The following STX8 variants were observed in gnomAD, a reference collection of about 807,000 sequenced individuals.
The protein encoded by STX8 is syntaxin-8.
A neutral mutation model predicts 37.5 loss-of-function variants in STX8; 23 were observed. The observed-to-expected ratio is 0.61, with a 90% CI of 0.44 to 0.87. STX8 has a LOEUF of 0.87. Among genes scored for constraint, STX8 ranks in the 40% least tolerant of loss-of-function variants. The pLI, the probability that STX8 is intolerant of heterozygous loss-of-function variation, is 0.00. For synonymous variants in STX8, 115 were observed against 99.1 expected, an observed-to-expected ratio of 1.16 and a Z score of -0.95; for missense variants, 313 against 284.7, an observed-to-expected ratio of 1.10 and a Z score of -0.71.
intron 7 of STX8, among the ~76,000 whole-genome samples, chr17:9,271,709 C>T (rs1159310648): frequency 6.8e-6 from 1 of 146,150 alleles, no homozygotes; most frequent in Non-Finnish European, 1.5e-5. Flanking sequence ...AAGATTGTGC[C>T]ACTGCACTCC....
intron 7 of STX8, among the ~76,000 whole-genome samples, chr17:9,260,950 G>A (rs1907001299): frequency 6.6e-6 from 1 of 152,248 alleles, no homozygotes; most frequent in Non-Finnish European, 1.5e-5. Flanking sequence ...ACGGTGTGAA[G>A]AGAGACATCT....
At chr17:9,514,774 C>A (rs1329128541) in intron 4 of STX8, among the ~76,000 whole-genome samples, 1 of 152,172 alleles carries the variant, frequency 6.6e-6, no homozygotes, top group African/African-American at 2.4e-5. Context: ...GCCTTGTTCA[C>A]ATCTCCCATA....
intron 2 of STX8, among the ~76,000 whole-genome samples, chr17:9,564,382 G>T (rs1400519650): frequency 6.6e-6 from 1 of 151,630 alleles, no homozygotes; most frequent in African/African-American, 2.4e-5. Context: ...GGAAGGAAAA[G>T]AAAAGGCATC....
intron 7 of STX8, among the ~76,000 whole-genome samples, chr17:9,257,522 T>C (rs1342863568): frequency 7.5e-6 from 1 of 133,630 alleles, no homozygotes; most frequent in Non-Finnish European, 1.7e-5. Context: ...TGTGGATCTC[T>C]GTGTTGGCCA....
At chr17:9,319,578 C>T (rs1909503748) in intron 7 of STX8, among the ~76,000 whole-genome samples, 1 of 152,158 alleles carries the variant, frequency 6.6e-6, no homozygotes, top group African/African-American at 2.4e-5. Context: ...CCCATCCAGA[C>T]TGGAACAAGA....
At chr17:9,401,469 T>G (rs970024409) in intron 6 of STX8, among the ~76,000 whole-genome samples, 2 of 152,160 alleles carry the variant, frequency 1.3e-5, no homozygotes, top group Non-Finnish European at 2.9e-5. Flanking sequence ...CAGGGAGCTG[T>G]TAGAATATTT....
intron 6 of STX8, among the ~76,000 whole-genome samples, chr17:9,440,091 A>C (rs866098792): frequency 6.6e-6 from 1 of 152,168 alleles, no homozygotes; most frequent in Non-Finnish European, 1.5e-5. Context: ...GAACCATGGA[A>C]AATACCACTG....
chr17:9,390,522 CAAAA>C (rs1161307121), intron 6 of STX8, among the ~76,000 whole-genome samples: 3 of 115,478 alleles, frequency 2.6e-5, no homozygotes, highest in African/African-American at 6.6e-5. Context: ...AACTCCGTCT[CAAAA>C]AAAAAAAAAG....
chr17:9,287,552 G>A (rs1908122993), intron 7 of STX8, among the ~76,000 whole-genome samples: 1 of 152,190 alleles, frequency 6.6e-6, no homozygotes, highest in East Asian at 1.9e-4. Flanking sequence ...ACAATTAACA[G>A]CCAAGTTTCC....
intron 6 of STX8, among the ~76,000 whole-genome samples, chr17:9,449,594 C>A (rs1477484642): frequency 6.6e-6 from 1 of 151,980 alleles, no homozygotes; most frequent in Non-Finnish European, 1.5e-5. Flanking sequence ...AATTGTGGTA[C>A]AGCTAGACAA....
At chr17:9,311,739 T>C (rs1302459368) in intron 7 of STX8, among the ~76,000 whole-genome samples, 2 of 152,250 alleles carry the variant, frequency 1.3e-5, no homozygotes, top group African/African-American at 4.8e-5. Context: ...TACATGTCCC[T>C]ATCTCATTGG....
At chr17:9,451,357 T>A (rs1400839676) in intron 6 of STX8, among the ~76,000 whole-genome samples, 7 of 152,166 alleles carry the variant, frequency 4.6e-5, no homozygotes, top group African/African-American at 1.7e-4. Context: ...GCGACAGACA[T>A]CTCAGTTCGA....
In STX8 at chr17:9,253,860, GAAC is replaced by G. The variant is rs1224251285; in HGVS notation, c.644-3218_644-3216del. On this transcript the variant is annotated intron_variant, in intron 7 of 7. Transcript: ENST00000306357. ...CAAGTGACAAGAACAAAGAAATCAAGAACAACAACTGATTGGGAAGAAGAAAAC... is the reference window on the plus strand; with the variant it reads ...CAAGTGACAAGAACAAAGAAATCAAGAACAACTGATTGGGAAGAAGAAAAC... Among the ~76,000 whole-genome samples, 23 of 152,128 alleles carry G rather than the reference GAAC, an allele frequency of 1.5e-4. 1 individual carries two copies. The highest frequency in any genetic ancestry group is 1.2e-3 in the Admixed American group (19 of 15,282).
chr17:9,458,714 C>T (rs1905261318), intron 6 of STX8, among the ~76,000 whole-genome samples: 1 of 152,172 alleles, frequency 6.6e-6, no homozygotes, highest in Non-Finnish European at 1.5e-5. Flanking sequence ...GACTGCTCTT[C>T]CAGATGACAG....
chr17:9,438,611 G>A (rs1024011191), intron 6 of STX8, among the ~76,000 whole-genome samples: 5 of 151,988 alleles, frequency 3.3e-5, no homozygotes, highest in South Asian at 2.1e-4. Context: ...CTGCTGTTGC[G>A]GTGCAAAAGC....
intron 7 of STX8, among the ~76,000 whole-genome samples, chr17:9,363,616 G>C (rs117873590): frequency 1.7e-4 from 26 of 152,070 alleles, no homozygotes; most frequent in Admixed American, 1.7e-3. Flanking sequence ...CAGAAAACGC[G>C]TACAAACATG....
intron 6 of STX8, among the ~76,000 whole-genome samples, chr17:9,388,837 T>G (rs1254179222): frequency 6.6e-6 from 1 of 151,252 alleles, no homozygotes; most frequent in East Asian, 1.9e-4. Flanking sequence ...AAACCATACA[T>G]TTTCATTTAA....
At chr17:9,393,069 A>G (rs1912280736) in intron 6 of STX8, among the ~76,000 whole-genome samples, 1 of 152,226 alleles carries the variant, frequency 6.6e-6, no homozygotes, top group Non-Finnish European at 1.5e-5. Context: ...CAAATTGCTG[A>G]ACACTAAAGA....
chr17:9,268,431 C>T (rs1027760756), intron 7 of STX8, among the ~76,000 whole-genome samples: 9 of 152,160 alleles, frequency 5.9e-5, no homozygotes, highest in Non-Finnish European at 1.3e-4. Context: ...GGCTGCAGAG[C>T]TCTGACCCCG....
Sources: gnomAD v4.1 joint callset for allele counts (sites outside exome capture counted in the v4.1 genomes callset) on GRCh38, gnomAD v4.1.1 for gene constraint, MANE v1.5 for transcripts, NCBI Gene and HGNC (gene_info 2026-07-23, HGNC 2026-07-21) for gene names.